The following ZNF485 variants were observed in gnomAD, a reference collection of about 807,000 sequenced individuals.
ZNF485 encodes zinc finger protein 485.
A neutral mutation model predicts 10.8 loss-of-function variants in ZNF485; 9 were observed. That is an observed-to-expected ratio of 0.83 (90% CI 0.50 to 1.45). The LOEUF is 1.45. ZNF485 is among the 40% of genes most tolerant of loss of function. ZNF485 has a pLI of 0.00. For missense variants in ZNF485, 487 were observed against 528.0 expected (o/e 0.92, Z 0.76); for synonymous variants, 187 against 181.0 (o/e 1.03, Z -0.27).
intron 2 of ZNF485, 37 bp from the exon 3 acceptor site, chr10:43,608,577 G>A (rs1838700584): frequency 1.4e-5 from 22 of 1,582,748 alleles, no homozygotes; most frequent in Non-Finnish European, 1.9e-5. Flanking sequence ...CTCCCTCAGG[G>A]GTTCCCGGAT....
chr10:43,617,034 T>A lies in ZNF485; in HGVS notation c.991T>A (p.Cys331Ser). ...TGEKPYHCSK[C>S]GKSFRYSSSF... Reference sequence around the variant, plus strand: ...GGAGAAACCCTATCACTGCAGTAAATGTGGAAAATCTTTCAGGTATAGCTC... The same window carrying A: ...GGAGAAACCCTATCACTGCAGTAAAAGTGGAAAATCTTTCAGGTATAGCTC... The change falls in exon 5 of 5, where the codon TGT (cysteine) becomes AGT (serine). Residue 331 changes from cysteine to serine, a missense_variant. By Grantham distance (112) the Cys-to-Ser change is moderately radical. Coordinates refer to ENST00000361807, the MANE Select transcript of ZNF485 (RefSeq NM_145312.4). The A allele has an allele frequency of 6.2e-7, 1 of 1,614,160 alleles. No homozygotes were observed. Among genetic ancestry groups the A allele is most frequent in the Non-Finnish European group, 8.5e-7 (1 of 1,180,040 alleles).
In ZNF485 at chr10:43,608,710, C is replaced by T. The variant is rs748987369; in HGVS notation, c.121C>T (p.Leu41=). ...GCGGGCCCTGTACAGGGATGTGATG[C>T]TGGAGAACTATGGGAATCTGGTGTC... ...AQRALYRDVM[L]ENYGNLVSVG... The change falls in exon 3 of 5, where the codon CTG becomes TTG. Residue 41 remains leucine (L), a synonymous_variant. Transcript: ENST00000361807. The T allele has an allele frequency of 1.9e-6, 3 of 1,614,066 alleles. No homozygotes were observed. Among genetic ancestry groups the T allele is most frequent in the Middle Eastern group, 1.7e-4 (1 of 6,060 alleles).
At chr10:43,615,501 A>C (rs1439664778) in intron 4 of ZNF485, among the ~76,000 whole-genome samples, 1 of 152,108 alleles carries the variant, frequency 6.6e-6, no homozygotes, top group African/African-American at 2.4e-5. Flanking sequence ...TCCCGGGTTC[A>C]AGCGATTCTC....
chr10:43,608,328 C>T (rs567765312), intron 2 of ZNF485, among the ~76,000 whole-genome samples: 1 of 152,140 alleles, frequency 6.6e-6, no homozygotes, highest in Non-Finnish European at 1.5e-5. Flanking sequence ...GGTTTCGAGA[C>T]TGAGTGGCAG....
intron 4 of ZNF485, among the ~76,000 whole-genome samples, chr10:43,609,692 T>A (rs1263830555): frequency 3.9e-5 from 6 of 152,264 alleles, no homozygotes; most frequent in East Asian, 3.9e-4. Flanking sequence ...TTCTTTTTTT[T>A]ATATTTTTTG....
rs1459384156 is a variant in ZNF485, at chr10:43,606,985, CTT to C, written c.-54-11_-54-10del. 1 of 1,547,062 alleles carries C rather than the reference CTT, an allele frequency of 6.5e-7. No individual in the cohort carries two copies. The highest frequency in any genetic ancestry group is 1.2e-5 in the South Asian group (1 of 83,964). On this transcript the variant is annotated splice_polypyrimidine_tract_variant and intron_variant, in intron 1 of 4. Coordinates refer to ENST00000361807, the MANE Select transcript of ZNF485 (RefSeq NM_145312.4). ...CGGAGGGACTTCCTCAATTTCCTCTCTTCTTTCCCAGATTGACTTACGCAGGA... is the reference window on the plus strand; with the variant it reads ...CGGAGGGACTTCCTCAATTTCCTCTCCTTTCCCAGATTGACTTACGCAGGA...
chr10:43,615,255 G>A (rs193068844), intron 4 of ZNF485, among the ~76,000 whole-genome samples: 105 of 152,230 alleles, frequency 6.9e-4, no homozygotes, highest in African/African-American at 2.4e-3. Flanking sequence ...TAATTGGTTG[G>A]TGATTGTTAA....
In ZNF485 at chr10:43,616,597, C is replaced by T. The variant is rs548640960; in HGVS notation, c.554C>T (p.Pro185Leu). Residue 185 changes from proline to leucine, a missense_variant, in exon 5 of 5, where the codon CCT becomes CTT. Coordinates refer to ENST00000361807, the MANE Select transcript of ZNF485 (RefSeq NM_145312.4). ...CATAAGGTTCATGCAGGCAAACAGC[C>T]TTATAGATGTATTGAATGTGGGAAG... ...NHHKVHAGKQ[P>L]YRCIECGKFL... The T allele has an allele frequency of 1.8e-5, 29 of 1,614,192 alleles. 3 individuals carry two copies. In the South Asian group the frequency reaches 3.0e-4, roughly 16 times the overall value.
Position 43,616,654 on chromosome 10 carries a change from A to G in ZNF485, c.611A>G (p.His204Arg), listed in dbSNP as rs7083033. The G allele has an allele frequency of 1.9e-6, 3 of 1,614,244 alleles. No individual in the cohort carries two copies. Among genetic ancestry groups the G allele is most frequent in the Non-Finnish European group, 2.5e-6 (3 of 1,180,046 alleles). ...AAGAAGCACTCAACGTTTATCAACC[A>G]TCAGAGAATTCATTCTAGGGAGAAA... Reference protein sequence around the residue: ...FLKKHSTFINHQRIHSREKPH... With the variant: ...FLKKHSTFINRQRIHSREKPH... The change falls in exon 5 of 5, where the codon CAT becomes CGT. Residue 204 changes from histidine (H) to arginine (R), a missense_variant. By Grantham distance (29) the His-to-Arg change is conservative (BLOSUM62 0). Transcript: ENST00000361807.
chr10:43,613,868 T>C (rs1371585680), intron 4 of ZNF485, among the ~76,000 whole-genome samples: 3 of 152,230 alleles, frequency 2.0e-5, no homozygotes, highest in Non-Finnish European at 4.4e-5. Context: ...GTGGATGTTC[T>C]GTGTGCCTCA....
At chr10:43,607,969 G>A (rs543100648) in intron 2 of ZNF485, among the ~76,000 whole-genome samples, 32 of 152,302 alleles carry the variant, frequency 2.1e-4, no homozygotes, top group Middle Eastern at 3.4e-3. Flanking sequence ...CAGAAATTTA[G>A]AGAGATGATA....
rs1180952325 is a variant in ZNF485 at position 43,616,834 on chromosome 10, A to G, written c.791A>G (p.His264Arg). ...NAALTRHERI[H>R]SGEKPFKCNK... ...GCTCTTACTCGTCATGAAAGAATAC[A>G]TAGTGGAGAGAAGCCTTTTAAATGT... The change falls in exon 5 of 5, where the codon CAT becomes CGT. Residue 264 changes from histidine to arginine, a missense_variant. His to Arg is a conservative substitution (Grantham distance 29, BLOSUM62 0). Coordinates refer to ENST00000361807, the MANE Select transcript of ZNF485 (RefSeq NM_145312.4). The G allele has an allele frequency of 3.1e-6, 5 of 1,614,016 alleles. No homozygotes were observed. The highest frequency in any genetic ancestry group is 4.5e-5 in the East Asian group (2 of 44,890).
chr10:43,617,533 T>C lies in ZNF485; in HGVS notation c.*164T>C. The C allele has an allele frequency of 1.7e-6, 1 of 580,846 alleles. No homozygotes were observed. Among genetic ancestry groups the C allele is most frequent in the Non-Finnish European group, 3.0e-6 (1 of 338,846 alleles). The allele number at this position is 580,846 out of a possible 1,614,324, so 36.0% of individuals were successfully genotyped here. A position where few individuals can be genotyped will look rare whatever the true frequency, so the allele number is the denominator to read the frequency against. On this transcript the variant is annotated 3_prime_UTR_variant, in exon 5 of 5. Transcript: ENST00000361807. ...TAGTGAAATATTTGAAGAAACTAAATGTATGTCAGTATGGAAGTAGTTATA... is the reference window on the plus strand; with the variant it reads ...TAGTGAAATATTTGAAGAAACTAAACGTATGTCAGTATGGAAGTAGTTATA...
intron 4 of ZNF485, among the ~76,000 whole-genome samples, chr10:43,612,628 T>TA (rs1838787064): frequency 6.6e-6 from 1 of 152,246 alleles, no homozygotes; most frequent in African/African-American, 2.4e-5. Context: ...TTCAAGGTCA[T>TA]AAGTTACTTG....
Position 43,616,801 on chromosome 10 carries a change from A to C in ZNF485, c.758A>C (p.Gln253Pro). 6.2e-7 allele frequency: 1 copy of C among 1,614,136 alleles called. No individual in the cohort carries two copies. The highest frequency in any genetic ancestry group is 8.5e-7 in the Non-Finnish European group (1 of 1,179,990). Residue 253 changes from glutamine (Q) to proline (P), a missense_variant, in exon 5 of 5, where the codon CAG (glutamine) becomes CCG (proline). Coordinates refer to ENST00000361807, the MANE Select transcript of ZNF485 (RefSeq NM_145312.4). ...AATGACTGTGGGAAAGCCTTCGCTCAGAATGCAGCTCTTACTCGTCATGAA... is the reference window on the plus strand; with the variant it reads ...AATGACTGTGGGAAAGCCTTCGCTCCGAATGCAGCTCTTACTCGTCATGAA... ...KCNDCGKAFAQNAALTRHERI... is the reference protein window; with the variant it reads ...KCNDCGKAFAPNAALTRHERI...
rs1285467574 is a variant in ZNF485, at chr10:43,616,200, G to A, written c.248-91G>A. ...ATAATTTTTCATAACCTTTAGTTAT[G>A]TAGAATAGAACATTATTCAAGTCCT... On this transcript the variant is annotated intron_variant, in intron 4 of 4. Coordinates refer to ENST00000361807, the MANE Select transcript of ZNF485 (RefSeq NM_145312.4). 13 of 1,069,882 alleles carry A rather than the reference G, an allele frequency of 1.2e-5. 1 individual carries two copies. The Admixed American group carries it at 1.5e-4, about 12-fold the overall frequency. 66.3% of individuals were successfully genotyped at this position (1,069,882 alleles called of 1,614,324 possible). A position where few individuals can be genotyped will look rare whatever the true frequency, so the allele number is the denominator to read the frequency against.
chr10:43,609,602 T>A (rs1373675997), intron 4 of ZNF485, among the ~76,000 whole-genome samples: 1 of 152,198 alleles, frequency 6.6e-6, no homozygotes, highest in East Asian at 1.9e-4. Context: ...TCAAGCTCTT[T>A]ATGTGATTTT....
intron 3 of ZNF485, 152 bp downstream of exon 3, chr10:43,608,892 C>T (rs751312043): frequency 9.6e-7 from 1 of 1,040,802 alleles, no homozygotes; most frequent in Non-Finnish European, 1.4e-6. Context: ...GGAGTTTATG[C>T]CCCTTACACC....
intron 4 of ZNF485, among the ~76,000 whole-genome samples, chr10:43,615,203 T>G (rs17154024): frequency 0.23 from 35,640 of 152,204 alleles, 4,407 homozygotes; most frequent in African/African-American, 0.29. Context: ...TAGGTATAGA[T>G]AGATACAACT....
Sources: allele counts gnomAD v4.1 joint callset (sites outside exome capture counted in the v4.1 genomes callset), GRCh38; gene constraint gnomAD v4.1.1; transcripts MANE v1.5; gene names NCBI Gene and HGNC (gene_info 2026-07-23, HGNC 2026-07-21).